Variants in FMO1 observed in about 807,000 individuals in gnomAD.
FMO1 encodes the protein flavin containing dimethylaniline monoxygenase 1.
FMO1 carries 36 observed loss-of-function variants against 45.4 expected under a neutral mutation model. The observed-to-expected ratio is 0.79, with a 90% CI of 0.61 to 1.05. The LOEUF (loss-of-function observed/expected upper bound fraction) is 1.05. Ranked by LOEUF, FMO1 falls within the 50% of genes least tolerant of loss-of-function variation. The pLI, the probability that FMO1 is intolerant of heterozygous loss-of-function variation, is 0.00. For synonymous variants in FMO1, 228 were observed against 227.2 expected, an observed-to-expected ratio of 1.00 and a Z score of -0.03; for missense variants, 615 against 640.3, an observed-to-expected ratio of 0.96 and a Z score of 0.43.
At chr1:171,267,773 T>C in intron 3 of FMO1, 42 bp downstream of exon 3, 1 of 1,489,146 alleles carries the variant, frequency 6.7e-7, no homozygotes, top group Non-Finnish European at 9.2e-7. Context: ...AAGTATTTCC[T>C]ACCTATTTTC....
chr1:171,281,257 C>T lies in FMO1; in HGVS notation c.827+272C>T, dbSNP rs148149038. 4.2e-4 allele frequency among the ~76,000 whole-genome samples: 64 copies of T among 152,296 alleles called. 1 individual carries two copies. The East Asian group carries it at 0.012, about 28-fold the overall frequency. ...CAAAATTCAGCCATTTACCCAAGCT[C>T]ACTGAGTAGTAAGTGAACTCTGTGA... On this transcript the variant is annotated intron_variant, in intron 6 of 8. Transcript: ENST00000617670.
intron 8 of FMO1, among the ~76,000 whole-genome samples, chr1:171,284,064 C>A (rs780152150): frequency 1.3e-5 from 2 of 151,976 alleles, no homozygotes; most frequent in Non-Finnish European, 2.9e-5. Context: ...ACTCTCAATC[C>A]AACCAAAACA....
At chr1:171,272,738 G>T (rs527452740) in intron 3 of FMO1, among the ~76,000 whole-genome samples, 1 of 152,262 alleles carries the variant, frequency 6.6e-6, no homozygotes, top group African/African-American at 2.4e-5. Context: ...TCTCCCATTT[G>T]GAATGGCTGT....
chr1:171,256,307 A>T (rs1462922205), intron 1 of FMO1, among the ~76,000 whole-genome samples: 1 of 150,228 alleles, frequency 6.7e-6, no homozygotes, highest in East Asian at 2.0e-4. Flanking sequence ...GTAGCATTCT[A>T]TCCCATCTTG....
chr1:171,267,988 A>C (rs1247746632), intron 3 of FMO1, among the ~76,000 whole-genome samples: 1 of 152,232 alleles, frequency 6.6e-6, no homozygotes, highest in Non-Finnish European at 1.5e-5. Flanking sequence ...TAGGGAACCT[A>C]AAAAATATCA....
Position 171,278,750 on chromosome 1 carries a change from A to C in FMO1, c.506A>C (p.Gln169Pro), listed in dbSNP as rs1391097577. The change falls in exon 5 of 9, where the codon CAG (glutamine) becomes CCG (proline). Residue 169 changes from glutamine (Q) to proline (P), a missense_variant. Transcript: ENST00000617670. Reference protein sequence around the residue: ...SFPGINAFKGQYFHSRQYKHP... With the variant: ...SFPGINAFKGPYFHSRQYKHP... The stretch of plus-strand genomic sequence containing the variant: ...ATAGGTATTAATGCCTTTAAAGGCC[A>C]GTACTTTCATAGCCGGCAATATAAG... 1 of 1,609,254 alleles carries C rather than the reference A, an allele frequency of 6.2e-7. No homozygotes were observed. The highest frequency in any genetic ancestry group is 8.5e-7 in the Non-Finnish European group (1 of 1,176,452).
chr1:171,273,587 A>C (rs1323515707), intron 3 of FMO1, among the ~76,000 whole-genome samples: 2 of 152,164 alleles, frequency 1.3e-5, no homozygotes, highest in Non-Finnish European at 2.9e-5. Context: ...ATCTCACTGC[A>C]GCCTCCACCT....
chr1:171,284,174 C>CAAA (rs200976510), intron 8 of FMO1, among the ~76,000 whole-genome samples: 5 of 114,358 alleles, frequency 4.4e-5, no homozygotes, highest in East Asian at 2.3e-4. Context: ...GGTTCTGTGG[C>CAAA]AAAAAAAAAA....
intron 1 of FMO1, among the ~76,000 whole-genome samples, chr1:171,256,345 G>A (rs868500235): frequency 2.0e-5 from 3 of 151,656 alleles, no homozygotes; most frequent in African/African-American, 7.3e-5. Flanking sequence ...GCTCAAAAGG[G>A]GTAAGTCATT....
At chr1:171,276,472 C>T (rs76107820) in intron 4 of FMO1, among the ~76,000 whole-genome samples, 34 of 152,320 alleles carry the variant, frequency 2.2e-4, no homozygotes, top group African/African-American at 7.7e-4. Flanking sequence ...TCACAGAAGA[C>T]AACCCAATTT....
At chr1:171,265,431 A>G (rs1484329589) in intron 2 of FMO1, among the ~76,000 whole-genome samples, 1 of 152,026 alleles carries the variant, frequency 6.6e-6, no homozygotes, top group East Asian at 1.9e-4. Context: ...AAAAAAAAGA[A>G]TGCTTAGAAA....
intron 2 of FMO1, among the ~76,000 whole-genome samples, chr1:171,263,386 G>A (rs1660458732): frequency 6.6e-6 from 1 of 152,204 alleles, no homozygotes; most frequent in African/African-American, 2.4e-5. Flanking sequence ...TAGAGCTTGA[G>A]TATGAACCTA....
chr1:171,259,579 G>A (rs2101801823), intron 2 of FMO1, among the ~76,000 whole-genome samples: 1 of 152,336 alleles, frequency 6.6e-6, no homozygotes, highest in East Asian at 1.9e-4. Context: ...AGGGTCAGGA[G>A]TTGGCTTGAA....
chr1:171,258,051 A>G (rs749089476), intron 1 of FMO1, 31 bp from the exon 2 acceptor site: 3 of 1,613,296 alleles, frequency 1.9e-6, no homozygotes, highest in Non-Finnish European at 2.5e-6. Context: ...GAGCTTGTGA[A>G]TAAAAAGCCT....
At chr1:171,255,838 C>G (rs1463469734) in intron 1 of FMO1, among the ~76,000 whole-genome samples, 1 of 152,194 alleles carries the variant, frequency 6.6e-6, no homozygotes, top group Non-Finnish European at 1.5e-5. Flanking sequence ...GTCAGACCTG[C>G]TGTCTTTATA....
chr1:171,277,067 T>C (rs555017012), intron 4 of FMO1, among the ~76,000 whole-genome samples: 10 of 152,252 alleles, frequency 6.6e-5, no homozygotes, highest in African/African-American at 2.4e-4. Flanking sequence ...TTAAAACCCA[T>C]CTTATCTACC....
chr1:171,264,285 C>T (rs1571338013), intron 2 of FMO1, among the ~76,000 whole-genome samples: 1 of 150,074 alleles, frequency 6.7e-6, no homozygotes, highest in South Asian at 2.1e-4. Context: ...TTTAAATATG[C>T]CATTACAAAA....
rs10912679 is a variant in FMO1, at chr1:171,258,861, C to T, written c.132+642C>T. Reference sequence around the variant, plus strand: ...GAGAAAGGAATGAAGGGGTGAGGACCGAGGAAAGGGGACTATAAAGCCCAC... The same window carrying T: ...GAGAAAGGAATGAAGGGGTGAGGACTGAGGAAAGGGGACTATAAAGCCCAC... On this transcript the variant is annotated intron_variant, in intron 2 of 8. Coordinates refer to ENST00000617670, the MANE Select transcript of FMO1 (RefSeq NM_001282693.2). 8.7e-3 allele frequency among the ~76,000 whole-genome samples: 1,321 copies of T among 151,274 alleles called. 26 individuals carry two copies. Among genetic ancestry groups the T allele is most frequent in the African/African-American group, 0.031 (1,246 of 40,646 alleles).
chr1:171,285,612 A>G lies in FMO1; in HGVS notation c.*68A>G, dbSNP rs575795234. The G allele has an allele frequency of 2.7e-5, 26 of 975,742 alleles. No homozygotes were observed. The South Asian group carries it at 4.9e-4, about 18-fold the overall frequency. The allele number at this position is 975,742 out of a possible 1,614,324, so 60.4% of individuals were successfully genotyped here. ...AATGCTCCAATTCCTCTCTTACAGC[A>G]ATATTGCCTTCACAGTTATAAACTG... On this transcript the variant is annotated 3_prime_UTR_variant, in exon 9 of 9. Coordinates refer to ENST00000617670, the MANE Select transcript of FMO1 (RefSeq NM_001282693.2).
Sources: gnomAD v4.1 joint callset for allele counts (sites outside exome capture counted in the v4.1 genomes callset) on GRCh38, gnomAD v4.1.1 for gene constraint, MANE v1.5 for transcripts, NCBI Gene and HGNC (gene_info 2026-07-23, HGNC 2026-07-21) for gene names.